TMIGD3: variants seen among roughly 807,000 people sequenced by gnomAD.
TMIGD3 encodes the protein transmembrane and immunoglobulin domain containing 3.
TMIGD3 carries 21 observed loss-of-function variants against 28.1 expected under a neutral mutation model. The ratio of observed to expected loss-of-function variants is 0.75; its 90% confidence interval spans 0.53 to 1.08. TMIGD3 has a LOEUF of 1.08. Ranked by LOEUF, TMIGD3 falls within the 50% of genes least tolerant of loss-of-function variation. The probability of loss-of-function intolerance (pLI) is 0.00; values close to 1 mark genes in which losing one functional copy is unlikely to be tolerated. For missense variants in TMIGD3, 416 were observed against 435.6 expected (o/e 0.96, Z 0.40); for synonymous variants, 151 against 162.1 (o/e 0.93, Z 0.52).
intron 1 of TMIGD3, chr1:111,500,630 G>A (rs1210275847): frequency 7.7e-7 from 1 of 1,297,468 alleles, no homozygotes; most frequent in Non-Finnish European, 1.1e-6. Flanking sequence ...GCTGGTAAAG[G>A]AGAGAGAGAG....
intron 1 of TMIGD3, among the ~76,000 whole-genome samples, chr1:111,521,271 G>T (rs945344045): frequency 1.3e-5 from 2 of 152,178 alleles, no homozygotes; most frequent in Non-Finnish European, 2.9e-5. Flanking sequence ...GTCTTGTGAG[G>T]ACATGTTTTT....
rs1464157918 is a variant in TMIGD3 at position 111,485,841 on chromosome 1, C to T, written c.873-1G>A. ...TATGCAAATGATGAGAATGGACGTC[C>T]TAGAAGGAACCACAGCAGATTTCAT... On this transcript the variant is annotated splice_acceptor_variant, in intron 4 of 5. Transcript: ENST00000369716. LOFTEE classifies it high-confidence loss of function. The T allele has an allele frequency of 6.2e-7, 1 of 1,604,988 alleles. No homozygotes were observed. Among genetic ancestry groups the T allele is most frequent in the African/African-American group, 1.3e-5 (1 of 74,498 alleles).
At chr1:111,485,657 T>C in intron 5 of TMIGD3, 83 bp downstream of exon 5, 1 of 1,098,174 alleles carries the variant, frequency 9.1e-7, no homozygotes. Context: ...GAGGCTCTCA[T>C]TCACTCATTT....
chr1:111,511,917 T>C, intron 1 of TMIGD3, among the ~76,000 whole-genome samples: 1 of 152,170 alleles, frequency 6.6e-6, no homozygotes, highest in Admixed American at 6.5e-5. Flanking sequence ...AATCACAGTG[T>C]TCATGATGGG....
chr1:111,542,329 G>T, intron 1 of TMIGD3: 1 of 467,578 alleles, frequency 2.1e-6, no homozygotes, highest in Non-Finnish European at 4.3e-6. Flanking sequence ...AAAGAGAAGT[G>T]TCTGTGTGGC....
upstream of TMIGD3, among the ~76,000 whole-genome samples, chr1:111,507,291 C>A (rs1246191607): frequency 6.6e-6 from 1 of 151,762 alleles, no homozygotes; most frequent in Non-Finnish European, 1.5e-5. Flanking sequence ...TTTTAAAATT[C>A]TACTAAAAGA....
At chr1:111,517,926 A>AT (rs1414670116) in intron 1 of TMIGD3, among the ~76,000 whole-genome samples, 1 of 152,192 alleles carries the variant, frequency 6.6e-6, no homozygotes, top group African/African-American at 2.4e-5. Context: ...AACAGCAAAT[A>AT]TTAGTTGAGT....
At chr1:111,490,995 C>T (rs1259868848) in intron 1 of TMIGD3, among the ~76,000 whole-genome samples, 1 of 152,234 alleles carries the variant, frequency 6.6e-6, no homozygotes, top group Admixed American at 6.5e-5. Flanking sequence ...GGCCCACACT[C>T]AGAAAAGCAC....
intron 1 of TMIGD3, chr1:111,500,562 T>C: frequency 6.2e-7 from 1 of 1,612,952 alleles, no homozygotes; most frequent in Non-Finnish European, 8.5e-7. Flanking sequence ...TGTATCTGTG[T>C]GAATGAAGAG....
intron 1 of TMIGD3, among the ~76,000 whole-genome samples, chr1:111,498,500 C>A (rs981088542): frequency 6.6e-6 from 1 of 152,130 alleles, no homozygotes; most frequent in Non-Finnish European, 1.5e-5. Context: ...GTAGTTTGTG[C>A]CTATCTGTTA....
intron 5 of TMIGD3, among the ~76,000 whole-genome samples, chr1:111,484,722 G>A (rs1195460610): frequency 6.6e-6 from 1 of 152,180 alleles, no homozygotes; most frequent in Non-Finnish European, 1.5e-5. Flanking sequence ...ACTAGCAAGG[G>A]TTACTAGGAG....
intron 1 of TMIGD3, among the ~76,000 whole-genome samples, chr1:111,514,520 G>A (rs1469471722): frequency 6.6e-6 from 1 of 151,776 alleles, no homozygotes; most frequent in Non-Finnish European, 1.5e-5. Flanking sequence ...CACCATCACC[G>A]CACTCCACCC....
intron 1 of TMIGD3, among the ~76,000 whole-genome samples, chr1:111,555,509 A>G (rs967915381): frequency 6.6e-6 from 1 of 152,072 alleles, no homozygotes. Context: ...AAGAATTAGT[A>G]AATTGAAGAA....
intron 1 of TMIGD3, among the ~76,000 whole-genome samples, chr1:111,549,673 ATC>A (rs900329502): frequency 6.7e-6 from 1 of 150,232 alleles, no homozygotes; most frequent in Admixed American, 6.6e-5. Flanking sequence ...AAAAGACAAG[ATC>A]TCTCTCTCTG....
Position 111,485,744 on chromosome 1 carries a change from T to C in TMIGD3, c.969A>G (p.Arg323=). ...LTKRRRSQRN[R]RVGNTLKPFS... is the part of the protein sequence containing the mutation. ...CCCTCAACAATAGCTACTTACCCCT[T>C]CTATTCCTTTGACTTCTCCTCCTTT... Residue 323 remains arginine, a synonymous_variant, in exon 5 of 6, where the codon AGA becomes AGG. Coordinates refer to ENST00000369716, the MANE Select transcript of TMIGD3 (RefSeq NM_020683.7). 1.8e-6 allele frequency: 2 copies of C among 1,083,118 alleles called. No individual in the cohort carries two copies. The highest frequency in any genetic ancestry group is 2.8e-6 in the Non-Finnish European group (2 of 722,890). The allele number at this position is 1,083,118 out of a possible 1,614,324, so 67.1% of individuals were successfully genotyped here.
chr1:111,489,535 G>A, intron 2 of TMIGD3: 7 of 1,019,136 alleles, frequency 6.9e-6, no homozygotes, highest in Non-Finnish European at 8.4e-6. Flanking sequence ...TGTTGCTGTT[G>A]TTGTTATCAC....
rs897108812 is a variant in TMIGD3, at chr1:111,485,146, G to A, written c.973+594C>T. 5.9e-5 allele frequency among the ~76,000 whole-genome samples: 9 copies of A among 152,076 alleles called. No homozygotes were observed. In the South Asian group the frequency reaches 1.0e-3, roughly 17 times the overall value. ...GTGGAGGTTGCAGTGAGCTGAGATC[G>A]AGCAACTGCACTCCAGCCTGGGCAA... On this transcript the variant is annotated intron_variant, in intron 5 of 5. Transcript: ENST00000369716.
chr1:111,505,238 C>A (rs1286323412), upstream of TMIGD3, among the ~76,000 whole-genome samples: 2 of 151,076 alleles, frequency 1.3e-5, no homozygotes, highest in African/African-American at 4.9e-5. Flanking sequence ...TAGGTGAGTT[C>A]TTTTGGAATC....
chr1:111,507,058 T>TATGTGTGTGTGTGTATATATATATATATA (rs1655533592), upstream of TMIGD3, among the ~76,000 whole-genome samples: 2 of 128,602 alleles, frequency 1.6e-5, no homozygotes, highest in African/African-American at 5.7e-5. Context: ...TATATATATA[T>TATGTGTGTGTGTGTATATATATATATATA]ATGTTAACTG....
Sources: allele counts gnomAD v4.1 joint callset (sites outside exome capture counted in the v4.1 genomes callset), GRCh38; gene constraint gnomAD v4.1.1; transcripts MANE v1.5; gene names NCBI Gene and HGNC (gene_info 2026-07-23, HGNC 2026-07-21).